HELLS: variants seen among roughly 807,000 people sequenced by gnomAD.
HELLS encodes the protein lymphoid-specific helicase.
In HELLS, 32 loss-of-function variants were observed where a neutral mutation model predicts 120.0. The ratio of observed to expected loss-of-function variants is 0.27; its 90% CI spans 0.20 to 0.36. HELLS has a LOEUF of 0.36. HELLS is among the 10% of genes least tolerant of loss of function. The probability of loss-of-function intolerance (pLI) is 1.00; values close to 1 mark genes in which losing one functional copy is unlikely to be tolerated. For synonymous variants in HELLS, 341 were observed against 323.4 expected (o/e 1.05, Z -0.58); for missense variants, 650 against 993.4 (o/e 0.65, Z 4.65).
In HELLS at chr10:94,601,893, TAC is replaced by T. The variant is rs1419959044; in HGVS notation, c.*273_*274del. On this transcript the variant is annotated 3_prime_UTR_variant, in exon 22 of 22. Coordinates refer to ENST00000348459, the MANE Select transcript of HELLS (RefSeq NM_018063.5). ...GTGTACTTAACCACTTCCAGATTTATACAGTCTTCCTGTGGAAGTTTAGTAAA... is the reference window on the plus strand; with the variant it reads ...GTGTACTTAACCACTTCCAGATTTATAGTCTTCCTGTGGAAGTTTAGTAAA... The T allele has an allele frequency of 6.8e-5, 14 of 207,084 alleles. No individual in the cohort carries two copies. The highest frequency in any genetic ancestry group is 1.8e-3 in the Middle Eastern group (1 of 550). 12.8% of individuals were successfully genotyped at this position (207,084 alleles called of 1,614,324 possible).
intron 6 of HELLS, chr10:94,570,668 C>T (rs967597679): frequency 6.6e-6 from 1 of 151,854 alleles, no homozygotes; most frequent in Admixed American, 6.6e-5. Flanking sequence ...TTTGCTAAGT[C>T]ATCCAGTGAC....
At chr10:94,604,975 A>G (rs1284223834), downstream of HELLS, among the ~76,000 whole-genome samples, 2 of 151,126 alleles carry the variant, frequency 1.3e-5, no homozygotes, top group African/African-American at 4.9e-5. Context: ...TTTGGACTGT[A>G]GAACTGATTC....
intron 21 of HELLS, among the ~76,000 whole-genome samples, chr10:94,598,632 A>G (rs1361662324): frequency 6.8e-6 from 1 of 146,810 alleles, no homozygotes; most frequent in Non-Finnish European, 1.5e-5. Flanking sequence ...TTTTAATCAG[A>G]TGTATTTTCC....
intron 12 of HELLS, among the ~76,000 whole-genome samples, chr10:94,587,973 T>C (rs928024573): frequency 6.6e-6 from 1 of 152,214 alleles, no homozygotes; most frequent in Admixed American, 6.5e-5. Flanking sequence ...GCTACCTTTA[T>C]ATTTTTACTT....
rs140316223 is a variant in HELLS, at chr10:94,562,729, T to A, written c.370+2T>A. On this transcript the variant is annotated splice_donor_variant, in intron 5 of 21. Transcript: ENST00000348459. LOFTEE classifies it high-confidence loss of function. ...TTGATGCAAGTGAAGAGAAGCCAGG[T>A]AAATATCCTTATTCTAGTTTTGAAG... 14 of 1,584,752 alleles carry A rather than the reference T, an allele frequency of 8.8e-6. No individual in the cohort carries two copies. Among genetic ancestry groups the A allele is most frequent in the Non-Finnish European group, 1.2e-5 (14 of 1,159,910 alleles).
intron 21 of HELLS, 66 bp downstream of exon 21, chr10:94,597,177 AC>A: frequency 2.2e-6 from 2 of 892,922 alleles, no homozygotes; most frequent in East Asian, 2.4e-5. Context: ...AATGTAATGA[AC>A]CCCTTGTGCA....
At chr10:94,607,198 T>A (rs1277446901) in intron 8 of HELLS, among the ~76,000 whole-genome samples, 1 of 144,798 alleles carries the variant, frequency 6.9e-6, no homozygotes, top group East Asian at 2.3e-4. Flanking sequence ...CAGGGAGGTA[T>A]GGGGCCATGG....
intron 9 of HELLS, among the ~76,000 whole-genome samples, chr10:94,609,530 C>T (rs1065027): frequency 0.2 from 31,047 of 152,120 alleles, 3,322 homozygotes; most frequent in South Asian, 0.34. Context: ...TGAAATACAT[C>T]GTAAGAGAAT....
At chr10:94,561,936 T>C (rs922379540) in intron 4 of HELLS, among the ~76,000 whole-genome samples, 7 of 151,656 alleles carry the variant, frequency 4.6e-5, no homozygotes, top group Admixed American at 3.3e-4. Context: ...TACCCTACCC[T>C]ACAAAAATAC....
intron 7 of HELLS, 34 bp from the exon 8 acceptor site, chr10:94,573,926 A>G (rs369637605): frequency 2.9e-4 from 359 of 1,247,816 alleles, no homozygotes; most frequent in Non-Finnish European, 3.7e-4. Flanking sequence ...AGCATTTTGT[A>G]TAACACATCT....
intron 2 of HELLS, among the ~76,000 whole-genome samples, chr10:94,551,745 C>CT (rs909997838): frequency 7.1e-4 from 102 of 143,128 alleles, no homozygotes; most frequent in Middle Eastern, 3.5e-3. Context: ...CATTTCTTTT[C>CT]TTTTTTTTTT....
intron 6 of HELLS, among the ~76,000 whole-genome samples, chr10:94,563,870 G>T (rs180991951): frequency 6.7e-6 from 1 of 149,542 alleles, no homozygotes; most frequent in East Asian, 2.0e-4. Flanking sequence ...GAATGCAATG[G>T]TGCGATCTAG....
At chr10:94,579,231 T>TG (rs1844689529) in intron 10 of HELLS, among the ~76,000 whole-genome samples, 1 of 150,114 alleles carries the variant, frequency 6.7e-6, no homozygotes, top group Non-Finnish European at 1.5e-5. Flanking sequence ...GGCAGAGTCT[T>TG]GCTCTGTTGC....
intron 4 of HELLS, among the ~76,000 whole-genome samples, chr10:94,559,484 C>T (rs996547125): frequency 2.6e-5 from 4 of 151,306 alleles, no homozygotes; most frequent in East Asian, 1.9e-4. Context: ...CTTGCTCTGT[C>T]GCCCAGGCTG....
chr10:94,576,913 C>T (rs975692498), intron 10 of HELLS, 108 bp downstream of exon 10: 54 of 959,620 alleles, frequency 5.6e-5, no homozygotes, highest in African/African-American at 8.3e-5. Context: ...TTTTTGTTGT[C>T]GAAATAATAG....
chr10:94,596,126 T>G (rs1348265173), intron 19 of HELLS, among the ~76,000 whole-genome samples: 2 of 152,148 alleles, frequency 1.3e-5, no homozygotes, highest in African/African-American at 4.8e-5. Context: ...CAGCCCTATT[T>G]TCGATTTTTT....
At chr10:94,575,777 GTGTGTGTGTGT>G in intron 9 of HELLS, among the ~76,000 whole-genome samples, 1 of 56,608 alleles carries the variant, frequency 1.8e-5, no homozygotes, top group Non-Finnish European at 4.1e-5. Flanking sequence ...GTGTTTGTGT[GTGTGTGTGTGT>G]GTGTGTGTGT....
chr10:94,580,416 A>G (rs1257675057), intron 10 of HELLS, among the ~76,000 whole-genome samples: 4 of 151,882 alleles, frequency 2.6e-5, no homozygotes, highest in Admixed American at 2.0e-4. Context: ...TCCTGACCTC[A>G]GGTAATGCGT....
At chr10:94,554,026 TA>T in intron 2 of HELLS, 99 bp from the exon 3 acceptor site, 3 of 1,145,442 alleles carry the variant, frequency 2.6e-6, no homozygotes, top group South Asian at 3.1e-5. Flanking sequence ...GTGTTTGGTT[TA>T]AAAAATGTTA....
Sources: allele counts gnomAD v4.1 joint callset (sites outside exome capture counted in the v4.1 genomes callset), GRCh38; gene constraint gnomAD v4.1.1; transcripts MANE v1.5; gene names NCBI Gene and HGNC (gene_info 2026-07-23, HGNC 2026-07-21).